The following SLCO1B1 variants were observed in gnomAD, a reference collection of about 807,000 sequenced individuals.
SLCO1B1 encodes the protein solute carrier organic anion transporter family member 1B1.
In SLCO1B1, 81 loss-of-function variants were observed where a neutral mutation model predicts 70.1. That is an observed-to-expected ratio of 1.16 (90% CI 0.97 to 1.39). The LOEUF is 1.39. Ranked by LOEUF, SLCO1B1 falls within the 40% of genes most tolerant of loss-of-function variation. The pLI, the probability that SLCO1B1 is intolerant of heterozygous loss-of-function variation, is 0.00. For synonymous variants in SLCO1B1, 283 were observed against 271.5 expected, an observed-to-expected ratio of 1.04 and a Z score of -0.42; for missense variants, 895 against 799.6, an observed-to-expected ratio of 1.12 and a Z score of -1.44.
intron 2 of SLCO1B1, among the ~76,000 whole-genome samples, chr12:21,159,961 A>G (rs963158555): frequency 6.6e-6 from 1 of 152,072 alleles, no homozygotes; most frequent in Non-Finnish European, 1.5e-5. Flanking sequence ...ACACTGCTCA[A>G]AGAAATTAGA....
rs565362995 is a variant in SLCO1B1, at chr12:21,161,845, T to C, written c.85-10805T>C. 4.3e-4 allele frequency among the ~76,000 whole-genome samples: 66 copies of C among 152,060 alleles called. 1 individual carries two copies. The South Asian group carries it at 0.014, about 32-fold the overall frequency. ...CAACATGGTGAAACCCTGTCTCTAC[T>C]GAAAATATAAAAATTAGCCAGGTGT... On this transcript the variant is annotated intron_variant, in intron 2 of 14. Transcript: ENST00000256958.
intron 11 of SLCO1B1, among the ~76,000 whole-genome samples, chr12:21,209,998 A>G (rs1291970477): frequency 2.0e-5 from 3 of 151,050 alleles, no homozygotes; most frequent in African/African-American, 7.3e-5. Context: ...ATTTTCTCCC[A>G]TTTTGTAGGT....
At chr12:21,176,067 A>T (rs962050439) in intron 4 of SLCO1B1, among the ~76,000 whole-genome samples, 1 of 152,086 alleles carries the variant, frequency 6.6e-6, no homozygotes, top group Non-Finnish European at 1.5e-5. Flanking sequence ...CGCAACCTCC[A>T]AGCAAAGTTG....
At chr12:21,197,532 A>G (rs1941108089) in intron 8 of SLCO1B1, among the ~76,000 whole-genome samples, 2 of 152,092 alleles carry the variant, frequency 1.3e-5, no homozygotes, top group African/African-American at 4.8e-5. Flanking sequence ...TCCTTCATTT[A>G]TTCAACAAGT....
At chr12:21,218,633 T>C (rs1407813545) in intron 12 of SLCO1B1, among the ~76,000 whole-genome samples, 2 of 152,168 alleles carry the variant, frequency 1.3e-5, no homozygotes, top group Non-Finnish European at 2.9e-5. Context: ...AAAGGAGAAG[T>C]CTTTCATATT....
rs1164054771 is a variant in SLCO1B1 at position 21,174,573 on chromosome 12, C to G, written c.227-4C>G. On this transcript the variant is annotated splice_region_variant and splice_polypyrimidine_tract_variant and intron_variant, in intron 3 of 14. Transcript: ENST00000256958. The stretch of plus-strand genomic sequence containing the variant: ...GTATCAACATAATTTTGTTCCCTTT[C>G]TAGGAAATTTGCTTGTGATTGTATT... 1.9e-6 allele frequency: 3 copies of G among 1,613,038 alleles called. No homozygotes were observed. Among genetic ancestry groups the G allele is most frequent in the African/African-American group, 1.3e-5 (1 of 74,982 alleles).
At chr12:21,214,239 C>G (rs9669752) in intron 11 of SLCO1B1, among the ~76,000 whole-genome samples, 1 of 151,712 alleles carries the variant, frequency 6.6e-6, no homozygotes, top group African/African-American at 2.4e-5. Flanking sequence ...GATGGGTTTT[C>G]GGTGTGGATG....
At chr12:21,169,309 C>T (rs1412275727) in intron 2 of SLCO1B1, among the ~76,000 whole-genome samples, 1 of 152,004 alleles carries the variant, frequency 6.6e-6, no homozygotes, top group African/African-American at 2.4e-5. Flanking sequence ...AAATGGGGTC[C>T]ATAATTTACA....
At chr12:21,140,020 T>C (rs1940284951) in intron 1 of SLCO1B1, among the ~76,000 whole-genome samples, 1 of 152,118 alleles carries the variant, frequency 6.6e-6, no homozygotes. Flanking sequence ...AATGAATCAA[T>C]AGTATGTATT....
At chr12:21,202,366 T>TA in intron 9 of SLCO1B1, 125 bp from the exon 10 acceptor site, 1 of 675,150 alleles carries the variant, frequency 1.5e-6, no homozygotes, top group Non-Finnish European at 2.5e-6. Flanking sequence ...TCCCAGAACT[T>TA]AAAGTAAAAT....
rs575383870 is a variant in SLCO1B1, at chr12:21,198,905, G to T, written c.971-1603G>T. On this transcript the variant is annotated intron_variant, in intron 8 of 14. Coordinates refer to ENST00000256958, the MANE Select transcript of SLCO1B1 (RefSeq NM_006446.5). ...CATTGAATTTCTCATCCTCAAAAAT[G>T]CAACGCTTGTGTGAATGTATATACT... Among the ~76,000 whole-genome samples, 11 of 152,102 alleles carry T rather than the reference G, an allele frequency of 7.2e-5. No homozygotes were observed. The East Asian group carries it at 1.9e-3, about 27-fold the overall frequency.
chr12:21,167,660 A>G (rs1323246413), intron 2 of SLCO1B1, among the ~76,000 whole-genome samples: 6 of 152,128 alleles, frequency 3.9e-5, no homozygotes, highest in Non-Finnish European at 5.9e-5. Flanking sequence ...GTACACTCAC[A>G]TTGATGAACA....
At chr12:21,214,952 C>T (rs1295738730) in intron 11 of SLCO1B1, among the ~76,000 whole-genome samples, 1 of 151,996 alleles carries the variant, frequency 6.6e-6, no homozygotes, top group Non-Finnish European at 1.5e-5. Context: ...CACTGACCTG[C>T]GCCCACTGTC....
chr12:21,145,442 G>A (rs1231874706), intron 2 of SLCO1B1, among the ~76,000 whole-genome samples: 1 of 147,522 alleles, frequency 6.8e-6, no homozygotes, highest in Non-Finnish European at 1.5e-5. Flanking sequence ...TGGAACTACA[G>A]GCACATGCCA....
intron 12 of SLCO1B1, among the ~76,000 whole-genome samples, chr12:21,218,778 A>T (rs975281856): frequency 6.6e-6 from 1 of 152,218 alleles, no homozygotes; most frequent in Non-Finnish European, 1.5e-5. Flanking sequence ...TGATAACAAT[A>T]TCATATCTGT....
intron 14 of SLCO1B1, among the ~76,000 whole-genome samples, chr12:21,235,479 CTT>C: frequency 7.4e-6 from 1 of 134,456 alleles, no homozygotes; most frequent in East Asian, 2.2e-4. Context: ...AGAAGGTTGC[CTT>C]TTTTTTTTTA....
At chr12:21,178,039 T>C (rs1940842634) in intron 5 of SLCO1B1, among the ~76,000 whole-genome samples, 1 of 152,168 alleles carries the variant, frequency 6.6e-6, no homozygotes, top group Non-Finnish European at 1.5e-5. Flanking sequence ...TGATTACAGA[T>C]AATTTTTACT....
chr12:21,148,790 T>C (rs1013448130), intron 2 of SLCO1B1, among the ~76,000 whole-genome samples: 1 of 151,436 alleles, frequency 6.6e-6, no homozygotes, highest in Non-Finnish European at 1.5e-5. Context: ...GGGGATAGCA[T>C]TGAATCTATA....
chr12:21,172,936 C>A, intron 3 of SLCO1B1, 145 bp downstream of exon 3: 1 of 755,854 alleles, frequency 1.3e-6, no homozygotes, highest in Non-Finnish European at 2.2e-6. Flanking sequence ...GTCATAACTG[C>A]ACAGGGGTTG....
Sources: allele counts gnomAD v4.1 joint callset (sites outside exome capture counted in the v4.1 genomes callset), GRCh38; gene constraint gnomAD v4.1.1; transcripts MANE v1.5; gene names NCBI Gene and HGNC (gene_info 2026-07-23, HGNC 2026-07-21).